The following ARHGEF18 variants were observed in gnomAD, a reference collection of about 807,000 sequenced individuals.
ARHGEF18 encodes the protein Rho/Rac guanine nucleotide exchange factor 18, also known as rho guanine nucleotide exchange factor 18.
Under a neutral mutation model 155.7 loss-of-function variants are expected in ARHGEF18, and 93 were observed. That is an observed-to-expected ratio of 0.60 (90% CI 0.50 to 0.71). ARHGEF18 has a LOEUF of 0.71. Among genes scored for constraint, ARHGEF18 ranks in the 30% least tolerant of loss-of-function variants. The pLI is 0.00. For synonymous variants in ARHGEF18, 742 were observed against 753.1 expected, an observed-to-expected ratio of 0.99 and a Z score of 0.24; for missense variants, 1,593 against 1,816.1, an observed-to-expected ratio of 0.88 and a Z score of 2.23.
intron 10 of ARHGEF18, among the ~76,000 whole-genome samples, chr19:7,399,951 T>G (rs1318973403): frequency 6.6e-6 from 1 of 151,998 alleles, no homozygotes; most frequent in African/African-American, 2.4e-5. Context: ...TTTTGTATTT[T>G]TGTGTGTGTG....
At chr19:7,388,753 G>A (rs1046231349) in intron 10 of ARHGEF18, among the ~76,000 whole-genome samples, 4 of 149,362 alleles carry the variant, frequency 2.7e-5, no homozygotes, top group African/African-American at 9.8e-5. Context: ...GCTAATTTTT[G>A]TATTTTTAGT....
intron 10 of ARHGEF18, among the ~76,000 whole-genome samples, chr19:7,438,323 ACTC>A (rs1285991740): frequency 1.3e-5 from 2 of 149,330 alleles, no homozygotes; most frequent in African/African-American, 2.5e-5. Flanking sequence ...CTGGTTTTGA[ACTC>A]CTGGCCTCAA....
rs1555712432 is a variant in ARHGEF18 at position 7,410,809 on chromosome 19, C to CAGA, written c.967+27607_967+27608insGAA. 4.0e-4 allele frequency among the ~76,000 whole-genome samples: 33 copies of CAGA among 82,306 alleles called. 1 individual carries two copies. The highest frequency in any genetic ancestry group is 6.1e-4 in the Non-Finnish European group (26 of 42,778). The allele number at this position is 82,306 out of a possible 152,430, so 54.0% of individuals were successfully genotyped here. A position where few individuals can be genotyped will look rare whatever the true frequency, so the allele number is the denominator to read the frequency against. On this transcript the variant is annotated intron_variant, in intron 10 of 28. Coordinates refer to ENST00000668164, the MANE Select transcript of ARHGEF18 (RefSeq NM_001367823.1). Reference sequence around the variant, plus strand: ...TGGGCAGCAGCGTGAGACTCCATCTCAAAAAAAAAAAAAAAAAAAGGTTTT... The same window carrying CAGA: ...TGGGCAGCAGCGTGAGACTCCATCTCAGAAAAAAAAAAAAAAAAAAAAGGTTTT...
intron 10 of ARHGEF18, chr19:7,394,995 C>T (rs982832997): frequency 7.3e-6 from 7 of 958,294 alleles, no homozygotes; most frequent in Non-Finnish European, 7.5e-6. Context: ...CCCCTCACCA[C>T]GGCTCGGGGA....
intron 17 of ARHGEF18, among the ~76,000 whole-genome samples, chr19:7,454,218 T>A (rs1047381964): frequency 2.7e-5 from 4 of 149,272 alleles, no homozygotes; most frequent in Admixed American, 6.7e-5. Context: ...CTTGGTGGGT[T>A]CCCTCTTGAA....
chr19:7,460,663 C>G (rs1976172046), intron 20 of ARHGEF18, among the ~76,000 whole-genome samples: 1 of 152,104 alleles, frequency 6.6e-6, no homozygotes, highest in Non-Finnish European at 1.5e-5. Flanking sequence ...GGGTCTGGCT[C>G]CTCTCGAGGT....
At chr19:7,375,344 A>AAAAGAAAG (rs142834173) in intron 3 of ARHGEF18, among the ~76,000 whole-genome samples, 2 of 139,004 alleles carry the variant, frequency 1.4e-5, no homozygotes, top group African/African-American at 5.9e-5. Context: ...GGAAGAAAGA[A>AAAAGAAAG]AAAGAAAGAA....
intron 15 of ARHGEF18, among the ~76,000 whole-genome samples, chr19:7,448,771 G>T (rs994648738): frequency 2.4e-4 from 36 of 152,048 alleles, no homozygotes; most frequent in African/African-American, 8.7e-4. Flanking sequence ...CTTTGTGTGA[G>T]CGTGGGTAGG....
At position 7,463,391 on chromosome 19, in the gene ARHGEF18, G is replaced by A. The variant is rs1033760090; in HGVS notation, c.2636-427G>A. ...GGTCCTAGAGGGCTTTCTGTAGACAGCCCTTCCCCACAAAGTCACTCTCCC... is the reference window on the plus strand; with the variant it reads ...GGTCCTAGAGGGCTTTCTGTAGACAACCCTTCCCCACAAAGTCACTCTCCC... On this transcript the variant is annotated intron_variant, in intron 21 of 28. Transcript: ENST00000668164. This position sits in a 1 kb window ranked among gnomAD's most constrained non-coding sequence, Gnocchi z 5.2. Among the ~76,000 whole-genome samples the A allele has an allele frequency of 6.6e-6, 1 of 152,168 alleles. No individual in the cohort carries two copies. Among genetic ancestry groups the A allele is most frequent in the African/African-American group, 2.4e-5 (1 of 41,438 alleles).
chr19:7,436,138 T>C (rs570719598), intron 10 of ARHGEF18, among the ~76,000 whole-genome samples: 7 of 152,236 alleles, frequency 4.6e-5, no homozygotes, highest in Non-Finnish European at 7.4e-5. Context: ...TTTACATATA[T>C]TCCCATAGAT....
At chr19:7,464,801 A>T (rs963077230) in intron 23 of ARHGEF18, 111 bp downstream of exon 23, 38 of 1,412,726 alleles carry the variant, frequency 2.7e-5, no homozygotes, top group Non-Finnish European at 3.5e-5. Flanking sequence ...ATCGACAAGC[A>T]TTGTTTGTTT....
chr19:7,366,562 C>T lies in ARHGEF18; in HGVS notation c.15+3657C>T, dbSNP rs114757188. 5.7e-3 allele frequency among the ~76,000 whole-genome samples: 871 copies of T among 152,252 alleles called. 5 individuals are homozygous for T. The highest frequency in any genetic ancestry group is 0.02 in the African/African-American group (821 of 41,534). On this transcript the variant is annotated intron_variant, in intron 2 of 28. Transcript: ENST00000668164. ...GCCCTCCCTGATACTTTTTGGAGAGCGTAATCTGTTCCCCCTCAGATCTTC... is the reference window on the plus strand; with the variant it reads ...GCCCTCCCTGATACTTTTTGGAGAGTGTAATCTGTTCCCCCTCAGATCTTC...
At position 7,451,234 on chromosome 19, in the gene ARHGEF18, T is replaced by C; in HGVS notation, c.1823T>C (p.Val608Ala). ...ACACAACGCATAACCAAATACCCAG[T>C]GCTGGTGGAGCGCATCATCCAGAAC... is the stretch of plus-strand genomic sequence containing the variant. ...LVTQRITKYP[V>A]LVERIIQNTE... Residue 608 changes from valine to alanine, a missense_variant, in exon 16 of 29, where the codon GTG becomes GCG. Physicochemically the swap from Val to Ala is moderately conservative, Grantham distance 64. Coordinates refer to ENST00000668164, the MANE Select transcript of ARHGEF18 (RefSeq NM_001367823.1). The C allele has an allele frequency of 6.2e-7, 1 of 1,611,928 alleles. No individual in the cohort carries two copies. Among genetic ancestry groups the C allele is most frequent in the Middle Eastern group, 1.7e-4 (1 of 6,060 alleles).
At chr19:7,451,803 C>G (rs1195650377) in intron 16 of ARHGEF18, among the ~76,000 whole-genome samples, 1 of 151,978 alleles carries the variant, frequency 6.6e-6, no homozygotes, top group Non-Finnish European at 1.5e-5. Flanking sequence ...CTCACTGCAA[C>G]CTCCACTTCC....
chr19:7,428,109 A>C (rs1973762275), intron 10 of ARHGEF18, among the ~76,000 whole-genome samples: 1 of 152,186 alleles, frequency 6.6e-6, no homozygotes. Context: ...TCAACAGTTA[A>C]TTCCTGCGGT....
At position 7,441,755 on chromosome 19, in the gene ARHGEF18, T is replaced by A; in HGVS notation, c.1209T>A (p.Ile403=). Residue 403 remains isoleucine, a synonymous_variant, in exon 12 of 29, where the codon ATT becomes ATA. Coordinates refer to ENST00000668164, the MANE Select transcript of ARHGEF18 (RefSeq NM_001367823.1). ...TTACATCTCCAAACACCGAGTCCATTTTTGTAGAAGGTATGGTCATCTCCG... is the reference window on the plus strand; with the variant it reads ...TTACATCTCCAAACACCGAGTCCATATTTGTAGAAGGTATGGTCATCTCCG... The part of the protein sequence containing the change: ...LSLTSPNTES[I]FVEDPYTASL... 1 of 1,614,150 alleles carries A rather than the reference T, an allele frequency of 6.2e-7. No individual in the cohort carries two copies. The highest frequency in any genetic ancestry group is 8.5e-7 in the Non-Finnish European group (1 of 1,180,016).
chr19:7,351,782 C>T (rs374691670), intron 1 of ARHGEF18, among the ~76,000 whole-genome samples: 1 of 151,466 alleles, frequency 6.6e-6, no homozygotes, highest in Non-Finnish European at 1.5e-5. Context: ...GCAACCTCCA[C>T]CTCCTGGGTT....
intron 10 of ARHGEF18, among the ~76,000 whole-genome samples, chr19:7,414,774 A>G (rs942777552): frequency 1.3e-5 from 2 of 151,410 alleles, no homozygotes; most frequent in Non-Finnish European, 2.9e-5. Context: ...GCGCCATTGC[A>G]CTCCAGCCTG....
In ARHGEF18 at chr19:7,462,082, G is replaced by T. The variant is rs2145884743; in HGVS notation, c.2453-70G>T. 1 of 1,597,106 alleles carries T rather than the reference G, an allele frequency of 6.3e-7. No individual in the cohort carries two copies. Among genetic ancestry groups the T allele is most frequent in the East Asian group, 2.2e-5 (1 of 44,820 alleles). ...AGCGGGGTTCCTCATCCTTAGGCCA[G>T]TCCCCGGGGCTCAGATGATTCCAGG... On this transcript the variant is annotated intron_variant, in intron 20 of 28. Transcript: ENST00000668164. This position sits in a 1 kb window ranked among gnomAD's most constrained non-coding sequence, Gnocchi z 4.4.
Sources: gnomAD v4.1 joint callset for allele counts (sites outside exome capture counted in the v4.1 genomes callset) on GRCh38, gnomAD v4.1.1 for gene constraint, Gnocchi (gnomAD v3.1) non-coding constraint, MANE v1.5 for transcripts, NCBI Gene and HGNC (gene_info 2026-07-23, HGNC 2026-07-21) for gene names.